Variants in RAB33A observed in about 807,000 individuals in gnomAD.
RAB33A encodes the protein ras-related protein Rab-33A.
A neutral mutation model predicts 12.0 loss-of-function variants in RAB33A; 6 were observed. The ratio of observed to expected loss-of-function variants is 0.50; its 90% CI spans 0.27 to 0.99. The LOEUF (loss-of-function observed/expected upper bound fraction) is 0.99. RAB33A is among the 50% of genes least tolerant of loss of function. The probability of loss-of-function intolerance (pLI) is 0.11; values close to 1 mark genes in which losing one functional copy is unlikely to be tolerated. For missense variants in RAB33A, 109 were observed against 192.0 expected (o/e 0.57, Z 2.55); for synonymous variants, 70 against 82.4 (o/e 0.85, Z 0.81).
the RAB33A span, among the ~76,000 whole-genome samples, chrX:130,134,983 A>G: frequency 8.9e-6 from 1 of 111,869 alleles, no homozygotes; most frequent in Admixed American, 9.6e-5. Flanking sequence ...CATGCAAGGA[A>G]ACACAGGGAA....
At chrX:130,118,109 C>T in the RAB33A span, among the ~76,000 whole-genome samples, 12 of 112,091 alleles carry the variant, frequency 1.1e-4, no homozygotes, top group Non-Finnish European at 2.3e-4. Flanking sequence ...CTGCACGGGG[C>T]TCTACGTATT....
chrX:130,133,180 G>A, the RAB33A span: 1 of 813,177 alleles, frequency 1.2e-6, no homozygotes, highest in Non-Finnish European at 1.9e-6. Flanking sequence ...AGAATGTGTG[G>A]ACATAAGATG....
chrX:130,160,794 G>A, the RAB33A span, among the ~76,000 whole-genome samples: 1 of 110,223 alleles, frequency 9.1e-6, no homozygotes, highest in African/African-American at 3.3e-5. Context: ...TGTAATCCCA[G>A]CACCTTGGGA....
chrX:130,143,600 C>T, the RAB33A span, among the ~76,000 whole-genome samples: 2 of 110,662 alleles, frequency 1.8e-5, no homozygotes, highest in East Asian at 5.7e-4. Context: ...CCTGTAATCT[C>T]AGCACTTTGG....
chrX:130,130,219 T>C, the RAB33A span: 7 of 1,173,396 alleles, frequency 6.0e-6, no homozygotes, highest in East Asian at 3.0e-5. Context: ...AAAACTTCAG[T>C]TATTATGAGC....
intron 1 of RAB33A, among the ~76,000 whole-genome samples, chrX:130,177,170 C>G (rs1209248247): frequency 2.7e-5 from 3 of 112,430 alleles, no homozygotes; most frequent in African/African-American, 9.7e-5. Context: ...CTCTCCACCC[C>G]CTCCCCACTG....
At chrX:130,157,700 C>T in the RAB33A span, among the ~76,000 whole-genome samples, 1 of 111,130 alleles carries the variant, frequency 9.0e-6, no homozygotes, top group Admixed American at 9.5e-5. Context: ...GGCGTGGTGG[C>T]TCACGCCTGT....
chrX:130,137,607 T>G, the RAB33A span: 3 of 1,136,731 alleles, frequency 2.6e-6, no homozygotes, highest in Non-Finnish European at 3.5e-6. Context: ...GGAACCATCA[T>G]GTGCCCAAAG....
chrX:130,165,574 G>A, the RAB33A span: 1 of 1,198,705 alleles, frequency 8.3e-7, no homozygotes, highest in Non-Finnish European at 1.1e-6. Flanking sequence ...CCTCTGCCTC[G>A]GGCTTCGGAC....
At chrX:130,124,041 C>A in the RAB33A span, among the ~76,000 whole-genome samples, 1 of 112,051 alleles carries the variant, frequency 8.9e-6, no homozygotes, top group African/African-American at 3.2e-5. Flanking sequence ...TTGGGAACAG[C>A]CTAGGCAACA....
the RAB33A span, among the ~76,000 whole-genome samples, chrX:130,162,189 G>A: frequency 8.9e-6 from 1 of 111,931 alleles, no homozygotes; most frequent in East Asian, 2.8e-4. Flanking sequence ...TTTAATTTAG[G>A]AGAATGGCTG....
chrX:130,138,635 C>T, the RAB33A span: 1 of 1,210,798 alleles, frequency 8.3e-7, no homozygotes, highest in South Asian at 1.8e-5. Flanking sequence ...CCAAGGAAGC[C>T]CCCACCGATA....
intron 1 of RAB33A, among the ~76,000 whole-genome samples, chrX:130,174,127 C>T (rs763363051): frequency 8.9e-6 from 1 of 112,332 alleles, no homozygotes; most frequent in Admixed American, 9.5e-5. Flanking sequence ...TCTCTTCTAA[C>T]ACCCCAGTAC....
chrX:130,137,853 G>C, the RAB33A span: 17 of 600,889 alleles, frequency 2.8e-5, no homozygotes, highest in Non-Finnish European at 3.5e-5. Context: ...ACCTGAGGTT[G>C]GGAGTTCAAG....
chrX:130,181,652 G>A, intron 1 of RAB33A, among the ~76,000 whole-genome samples: 1 of 112,289 alleles, frequency 8.9e-6, no homozygotes, highest in South Asian at 3.6e-4. Flanking sequence ...TAACCAAAAA[G>A]TGAACTTAAA....
At chrX:130,148,584 A>G in the RAB33A span, among the ~76,000 whole-genome samples, 1 of 111,256 alleles carries the variant, frequency 9.0e-6, no homozygotes, top group Non-Finnish European at 1.9e-5. Context: ...CTGTAATCCC[A>G]GCACTTTGGG....
chrX:130,149,696 T>G, the RAB33A span: 5 of 518,729 alleles, frequency 9.6e-6, no homozygotes, highest in Admixed American at 1.3e-4. Context: ...TCAAAACCAC[T>G]AAGACAAAGT....
At chrX:130,156,696 A>T in the RAB33A span, 2 of 965,908 alleles carry the variant, frequency 2.1e-6, no homozygotes, top group East Asian at 6.2e-5. Context: ...TACAAGACTT[A>T]TTGCCCACAG....
the RAB33A span, chrX:130,135,948 T>C: frequency 9.2e-7 from 1 of 1,091,728 alleles, no homozygotes; most frequent in South Asian, 1.9e-5. Context: ...TGACCCTATT[T>C]GGTTAGGCTG....
Sources: gnomAD v4.1 joint callset for allele counts (sites outside exome capture counted in the v4.1 genomes callset) on GRCh38, gnomAD v4.1.1 for gene constraint, MANE v1.5 for transcripts, NCBI Gene and HGNC (gene_info 2026-07-23, HGNC 2026-07-21) for gene names.